TENM3: variants seen among roughly 807,000 people sequenced by gnomAD.
TENM3 encodes teneurin transmembrane protein 3, also known as teneurin-3.
In TENM3, 63 loss-of-function variants were observed where a neutral mutation model predicts 255.1. That is an observed-to-expected ratio of 0.25 (90% CI 0.20 to 0.30). The LOEUF (loss-of-function observed/expected upper bound fraction) is 0.30. Ranked by LOEUF, TENM3 falls within the 10% of genes least tolerant of loss-of-function variation. TENM3 has a pLI of 1.00. For missense variants in TENM3, 2,929 were observed against 3,461.1 expected, an observed-to-expected ratio of 0.85 and a Z score of 3.86; for synonymous variants, 1,306 against 1,322.3, an observed-to-expected ratio of 0.99 and a Z score of 0.27.
the TENM3 span, among the ~76,000 whole-genome samples, chr4:181,517,482 C>T: frequency 6.6e-6 from 1 of 152,216 alleles, no homozygotes; most frequent in Non-Finnish European, 1.5e-5. Context: ...CAGAGCCAGG[C>T]TGTACCTCTG....
At chr4:182,615,050 T>C (rs12503295) in intron 4 of TENM3, among the ~76,000 whole-genome samples, 35 of 93,226 alleles carry the variant, frequency 3.8e-4, no homozygotes, top group African/African-American at 8.3e-4. Context: ...AAAATACATA[T>C]ATATATATAT....
At chr4:182,468,297 G>A (rs1011830409) in intron 3 of TENM3, among the ~76,000 whole-genome samples, 1 of 152,134 alleles carries the variant, frequency 6.6e-6, no homozygotes, top group African/African-American at 2.4e-5. Context: ...ACAAAATTAG[G>A]ATGCTCCGTA....
the TENM3 span, among the ~76,000 whole-genome samples, chr4:182,044,076 C>T: frequency 0.025 from 3,805 of 152,192 alleles, 163 homozygotes; most frequent in African/African-American, 0.085. Flanking sequence ...ATAAATTTTC[C>T]TATGTGATGG....
At chr4:182,326,303 C>T (rs1306392104) in intron 2 of TENM3, among the ~76,000 whole-genome samples, 2 of 152,126 alleles carry the variant, frequency 1.3e-5, no homozygotes, top group Admixed American at 1.3e-4. Context: ...AGGCAGCTCC[C>T]CTGGTGAGGT....
intron 1 of TENM3, among the ~76,000 whole-genome samples, chr4:182,224,277 G>A (rs895935708): frequency 6.6e-6 from 1 of 152,134 alleles, no homozygotes; most frequent in African/African-American, 2.4e-5. Flanking sequence ...ATTAGACAAC[G>A]TATGGAAAAG....
chr4:182,182,512 T>C lies in TENM3; in HGVS notation c.-76+37758T>C, dbSNP rs150791321. On this transcript the variant is annotated intron_variant, in intron 1 of 2. Transcript: ENST00000512480. The stretch of plus-strand genomic sequence containing the variant: ...GAGGGTCACCTTGGAATGGTTCTGA[T>C]ACAGGCATAGCGTATTTCTGCACCA... 4.9e-3 allele frequency among the ~76,000 whole-genome samples: 742 copies of C among 152,328 alleles called. 8 individuals are homozygous for C. The highest frequency in any genetic ancestry group is 0.016 in the African/African-American group (684 of 41,592).
chr4:181,449,629 C>T, the TENM3 span, among the ~76,000 whole-genome samples: 19,922 of 151,860 alleles, frequency 0.13, 1,483 homozygotes, highest in East Asian at 0.28. Context: ...ACTAAAAATA[C>T]AAAAAAATTT....
At chr4:182,059,598 T>C in the TENM3 span, among the ~76,000 whole-genome samples, 1 of 151,980 alleles carries the variant, frequency 6.6e-6, no homozygotes, top group African/African-American at 2.4e-5. Flanking sequence ...ATACAAGTAC[T>C]GTGGTATTTC....
chr4:181,462,856 A>T, the TENM3 span, among the ~76,000 whole-genome samples: 1 of 152,158 alleles, frequency 6.6e-6, no homozygotes, highest in Non-Finnish European at 1.5e-5. Flanking sequence ...CTGCATCACT[A>T]CATAATGTGT....
At chr4:181,762,281 C>G in the TENM3 span, among the ~76,000 whole-genome samples, 1 of 152,074 alleles carries the variant, frequency 6.6e-6, no homozygotes, top group African/African-American at 2.4e-5. Flanking sequence ...ACAATCTCTC[C>G]CTCACTGCCA....
chr4:182,702,434 C>A (rs1487057519), intron 12 of TENM3, among the ~76,000 whole-genome samples: 1 of 152,112 alleles, frequency 6.6e-6, no homozygotes, highest in Non-Finnish European at 1.5e-5. Flanking sequence ...CAAAGTCAGA[C>A]TTTTTCTTTT....
the TENM3 span, among the ~76,000 whole-genome samples, chr4:182,051,557 T>A: frequency 2.0e-5 from 3 of 151,828 alleles, no homozygotes; most frequent in African/African-American, 7.3e-5. Context: ...TTTTGTATTT[T>A]TAGTAGAGAT....
chr4:181,761,381 G>A, the TENM3 span, among the ~76,000 whole-genome samples: 2 of 152,014 alleles, frequency 1.3e-5, no homozygotes, highest in Admixed American at 6.6e-5. Flanking sequence ...AGCTACTTAG[G>A]TCACTTATTT....
intron 3 of TENM3, among the ~76,000 whole-genome samples, chr4:182,356,685 C>CT (rs933377921): frequency 1.3e-5 from 2 of 150,744 alleles, no homozygotes; most frequent in South Asian, 2.1e-4. Context: ...TCCCTGAAAA[C>CT]TTTTTTTTTA....
At chr4:181,699,062 ATG>A in the TENM3 span, among the ~76,000 whole-genome samples, 1 of 152,254 alleles carries the variant, frequency 6.6e-6, no homozygotes, top group Admixed American at 6.5e-5. Context: ...GTGTCAATTT[ATG>A]TGTTAGTGTG....
At chr4:182,416,506 T>A (rs558968100) in intron 3 of TENM3, among the ~76,000 whole-genome samples, 47 of 152,340 alleles carry the variant, frequency 3.1e-4, no homozygotes, top group African/African-American at 1.1e-3. Flanking sequence ...TCAAGCTGTC[T>A]CATGATTGTT....
At chr4:182,670,675 ACT>A (rs1755123355) in intron 6 of TENM3, among the ~76,000 whole-genome samples, 2 of 152,050 alleles carry the variant, frequency 1.3e-5, no homozygotes, top group East Asian at 3.9e-4. Flanking sequence ...CTAGTGATGT[ACT>A]CTCCCTCAAA....
At chr4:181,941,373 G>A in the TENM3 span, among the ~76,000 whole-genome samples, 884 of 149,012 alleles carry the variant, frequency 5.9e-3, 4 homozygotes, top group African/African-American at 0.021. Flanking sequence ...ATTTCACTAT[G>A]CTGCATTCTG....
At chr4:181,985,726 G>T in the TENM3 span, among the ~76,000 whole-genome samples, 6 of 152,198 alleles carry the variant, frequency 3.9e-5, no homozygotes, top group South Asian at 2.1e-4. Context: ...AAAATGTGGG[G>T]TTTTTTCCCT....
Sources: allele counts gnomAD v4.1 joint callset (sites outside exome capture counted in the v4.1 genomes callset), GRCh38; gene constraint gnomAD v4.1.1; transcripts MANE v1.5; gene names NCBI Gene and HGNC (gene_info 2026-07-23, HGNC 2026-07-21).